The following MICAL2 variants were observed in gnomAD, a reference collection of about 807,000 sequenced individuals.
MICAL2 encodes microtubule associated monooxygenase, calponin and LIM domain containing 2.
In MICAL2, 77 loss-of-function variants were observed where a neutral mutation model predicts 127.3. That is an observed-to-expected ratio of 0.60 (90% CI 0.50 to 0.73). The LOEUF is 0.73. Among genes scored for constraint, MICAL2 ranks in the 30% least tolerant of loss-of-function variants. MICAL2 has a pLI of 0.00. For missense variants in MICAL2, 1,351 were observed against 1,434.4 expected, an observed-to-expected ratio of 0.94 and a Z score of 0.94; for synonymous variants, 570 against 551.1, an observed-to-expected ratio of 1.03 and a Z score of -0.48.
chr11:12,324,055 A>C (rs1247809696), exon 31 of MICAL2: 37 of 1,613,072 alleles, frequency 2.3e-5, no homozygotes, highest in Non-Finnish European at 3.0e-5. Context: ...AATTGAAAAG[A>C]CTCTATAAGG....
chr11:12,161,546 A>G (rs1395045958), intron 2 of MICAL2: 1 of 152,926 alleles, frequency 6.5e-6, no homozygotes, highest in Non-Finnish European at 1.5e-5. Context: ...ACGAATGAAG[A>G]AAGGCTTTAA....
intron 4 of MICAL2, among the ~76,000 whole-genome samples, chr11:12,205,845 A>G (rs541604280): frequency 6.6e-5 from 10 of 152,304 alleles, no homozygotes; most frequent in Admixed American, 2.0e-4. Context: ...TCGTCCCCAG[A>G]CTTCAGAATC....
upstream of MICAL2, among the ~76,000 whole-genome samples, chr11:12,273,961 G>T (rs57518988): frequency 1.5e-3 from 225 of 152,248 alleles, 2 homozygotes; most frequent in African/African-American, 5.2e-3. Flanking sequence ...GAAGAGGAGA[G>T]AGAGAAGAGT....
intron 2 of MICAL2, among the ~76,000 whole-genome samples, chr11:12,149,123 A>G (rs1248422349): frequency 6.6e-6 from 1 of 152,212 alleles, no homozygotes; most frequent in Non-Finnish European, 1.5e-5. Context: ...CAAGGTAAAC[A>G]GAGTCCAGAT....
chr11:12,280,156 C>A (rs1863756974), intron 1 of MICAL2, among the ~76,000 whole-genome samples: 1 of 152,100 alleles, frequency 6.6e-6, no homozygotes, highest in African/African-American at 2.4e-5. Context: ...ACCCACCCCT[C>A]ACCCCCACCC....
chr11:12,347,220 A>C (rs1938969223), intron 32 of MICAL2, among the ~76,000 whole-genome samples: 1 of 152,128 alleles, frequency 6.6e-6, no homozygotes, highest in African/African-American at 2.4e-5. Context: ...TCCCTCAGAA[A>C]GTCCAGCCTC....
intron 1 of MICAL2, among the ~76,000 whole-genome samples, chr11:12,114,095 A>G (rs1206113385): frequency 2.0e-5 from 3 of 152,206 alleles, no homozygotes; most frequent in Non-Finnish European, 2.9e-5. Flanking sequence ...ACACAAACTC[A>G]TAATGCATAA....
At chr11:12,133,257 T>A (rs1349182533) in intron 1 of MICAL2, among the ~76,000 whole-genome samples, 3 of 152,136 alleles carry the variant, frequency 2.0e-5, no homozygotes, top group Non-Finnish European at 4.4e-5. Context: ...AATTTTTGTA[T>A]TTTTAGTAGA....
chr11:12,348,091 T>G (rs1315251848), intron 32 of MICAL2, among the ~76,000 whole-genome samples: 3 of 144,374 alleles, frequency 2.1e-5, no homozygotes, highest in African/African-American at 5.1e-5. Context: ...GAGGCGGAGG[T>G]TGCAGTGAGC....
At chr11:12,327,032 A>G in intron 31 of MICAL2, 1 of 712,770 alleles carries the variant, frequency 1.4e-6, no homozygotes, top group Non-Finnish European at 2.5e-6. Context: ...CTGGGAATTC[A>G]GAGGTCCTTG....
downstream of MICAL2, among the ~76,000 whole-genome samples, chr11:12,289,720 C>T (rs983396867): frequency 6.6e-6 from 1 of 152,106 alleles, no homozygotes; most frequent in Non-Finnish European, 1.5e-5. Context: ...AGGCGCGCAC[C>T]ACCATGCCTG....
chr11:12,331,111 G>A (rs1248980201), intron 32 of MICAL2, among the ~76,000 whole-genome samples: 1 of 152,046 alleles, frequency 6.6e-6, no homozygotes, highest in African/African-American at 2.4e-5. Flanking sequence ...ATTGGTTGAG[G>A]CACTGTTACC....
chr11:12,283,443 G>A (rs1053925350), intron 2 of MICAL2, among the ~76,000 whole-genome samples: 15 of 151,344 alleles, frequency 9.9e-5, no homozygotes, highest in African/African-American at 3.4e-4. Context: ...ATGTTCAACA[G>A]ACAAATGGAT....
chr11:12,294,797 GCTC>G (rs3841216), downstream of MICAL2: 2,507 of 1,494,128 alleles, frequency 1.7e-3, 6 homozygotes, highest in East Asian at 0.021. Flanking sequence ...GCGCCAGGCA[GCTC>G]CTCCTCCTCC....
chr11:12,279,643 G>A (rs1294438935), intron 1 of MICAL2, among the ~76,000 whole-genome samples: 1 of 152,236 alleles, frequency 6.6e-6, no homozygotes, highest in Non-Finnish European at 1.5e-5. Context: ...AGGCAGGGCA[G>A]GAGCCAGAGT....
chr11:12,325,773 C>T (rs1334029236), intron 31 of MICAL2, among the ~76,000 whole-genome samples: 1 of 152,192 alleles, frequency 6.6e-6, no homozygotes, highest in African/African-American at 2.4e-5. Context: ...AATATAGTCA[C>T]ACTGGGGGTT....
Position 12,236,242 on chromosome 11 carries a change from C to T in MICAL2, c.2061C>T (p.Asp687=), listed in dbSNP as rs3794084. Residue 687 remains aspartate (D), a synonymous_variant, in exon 16 of 28, where the codon GAC becomes GAT. Coordinates refer to ENST00000683283, the MANE Select transcript of MICAL2 (RefSeq NM_001282663.2). The part of the protein sequence containing the change: ...KRRRKGFTNL[D]EPSNFSSRSL... ...GACGGAAGGGCTTCACCAACCTGGA[C>T]GAGGTTTGTGTACACAGTGTGGCTT... The T allele has an allele frequency of 6.8e-6, 11 of 1,614,092 alleles. No individual in the cohort carries two copies. Among genetic ancestry groups the T allele is most frequent in the Middle Eastern group, 1.6e-4 (1 of 6,062 alleles).
chr11:12,275,442 G>A (rs531373852), upstream of MICAL2, among the ~76,000 whole-genome samples: 32 of 152,232 alleles, frequency 2.1e-4, no homozygotes, highest in African/African-American at 4.8e-4. Flanking sequence ...ACTGAGTCCC[G>A]GGATCTTTCA....
intron 15 of MICAL2, among the ~76,000 whole-genome samples, chr11:12,227,895 C>T (rs2134344540): frequency 6.6e-6 from 1 of 152,342 alleles, no homozygotes; most frequent in Admixed American, 6.5e-5. Flanking sequence ...TCTGTGGCAC[C>T]TCTGTGAGTT....
Sources: allele counts gnomAD v4.1 joint callset (sites outside exome capture counted in the v4.1 genomes callset), GRCh38; gene constraint gnomAD v4.1.1; transcripts MANE v1.5; gene names NCBI Gene and HGNC (gene_info 2026-07-23, HGNC 2026-07-21).